The following TMEM42 variants were observed in gnomAD, a reference collection of about 807,000 sequenced individuals.
The protein encoded by TMEM42 is transmembrane protein 42.
A neutral mutation model predicts 14.0 loss-of-function variants in TMEM42; 8 were observed. The observed-to-expected ratio is 0.57, with a 90% CI of 0.34 to 1.03. The LOEUF (loss-of-function observed/expected upper bound fraction) is 1.03. TMEM42 is among the 50% of genes least tolerant of loss of function. TMEM42 has a pLI of 0.03. For synonymous variants in TMEM42, 115 were observed against 94.3 expected (o/e 1.22, Z -1.27); for missense variants, 211 against 219.8 (o/e 0.96, Z 0.25).
In TMEM42 at chr3:44,865,324, C is replaced by G. The variant is rs150551721; in HGVS notation, c.*144C>G. 180 of 1,084,090 alleles carry G rather than the reference C, an allele frequency of 1.7e-4. No homozygotes were observed. In the African/African-American group the frequency reaches 2.4e-3, roughly 15 times the overall value. 67.2% of individuals were successfully genotyped at this position (1,084,090 alleles called of 1,614,324 possible). A position where few individuals can be genotyped will look rare whatever the true frequency, so the allele number is the denominator to read the frequency against. On this transcript the variant is annotated 3_prime_UTR_variant, in exon 3 of 3. Transcript: ENST00000302392. ...GGAAGCAGGCCTCTGATGGAGCAGG[C>G]TCTGGCTCTGTAAGGAGAGGTGCAG...
At chr3:44,864,012 ATGGGTCTGC>A (rs1171713178) in intron 1 of TMEM42, 176 bp from the exon 2 acceptor site, 1 of 595,018 alleles carries the variant, frequency 1.7e-6, no homozygotes, top group Non-Finnish European at 2.9e-6. Context: ...TATTTGTAAG[ATGGGTCTGC>A]TGCCCACTGA....
rs1239029935 is a variant in TMEM42 at position 44,865,195 on chromosome 3, A to G, written c.*15A>G. ...AGCAGCAGTAGCACCACTTGGCTAGACGGACCAGCTGGAAAGATCATGATG... is the reference window on the plus strand; with the variant it reads ...AGCAGCAGTAGCACCACTTGGCTAGGCGGACCAGCTGGAAAGATCATGATG... On this transcript the variant is annotated 3_prime_UTR_variant, in exon 3 of 3. Transcript: ENST00000302392. 2 of 1,614,118 alleles carry G rather than the reference A, an allele frequency of 1.2e-6. No homozygotes were observed. The highest frequency in any genetic ancestry group is 1.3e-5 in the African/African-American group (1 of 75,028).
In TMEM42 at chr3:44,864,317, G is replaced by C; in HGVS notation, c.313G>C (p.Val105Leu). The C allele has an allele frequency of 6.2e-7, 1 of 1,614,212 alleles. No homozygotes were observed. Among genetic ancestry groups the C allele is most frequent in the Admixed American group, 1.7e-5 (1 of 60,024 alleles). Residue 105 changes from valine to leucine, a missense_variant, in exon 2 of 3, where the codon GTG becomes CTG. Val to Leu is a conservative substitution (Grantham distance 32). Transcript: ENST00000302392. The stretch of plus-strand genomic sequence containing the variant: ...GTCTTCAGCCATTGCATCTGTCACA[G>C]TGACTTTTTCAAATATCCTCAGCTC... ...SMSSAIASVT[V>L]TFSNILSSAF... is the part of the protein sequence containing the mutation.
chr3:44,864,029 T>C (rs1699292814), intron 1 of TMEM42, 168 bp from the exon 2 acceptor site: 4 of 678,648 alleles, frequency 5.9e-6, no homozygotes, highest in Admixed American at 2.8e-5. Context: ...TGCTGCCCAC[T>C]GAGGGTTAAG....
At chr3:44,863,991 T>G in intron 1 of TMEM42, 1 of 569,176 alleles carries the variant, frequency 1.8e-6, no homozygotes, top group Non-Finnish European at 3.1e-6. Flanking sequence ...GTATCTTCTC[T>G]GAATTTGCTT....
Position 44,865,095 on chromosome 3 carries a change from G to A in TMEM42, c.395G>A (p.Gly132Glu), listed in dbSNP as rs1301274738. 1.2e-6 allele frequency: 2 copies of A among 1,614,136 alleles called. No individual in the cohort carries two copies. Among genetic ancestry groups the A allele is most frequent in the Non-Finnish European group, 1.7e-6 (2 of 1,180,002 alleles). The stretch of plus-strand genomic sequence containing the variant: ...TGCCAGGAGGTCTTGTGGTGGGGAG[G>A]AGTGTTCCTTATTCTCTGCGGACTC... ...GECQEVLWWG[G>E]VFLILCGLTL... is the part of the protein sequence containing the mutation. Residue 132 changes from glycine (G) to glutamate (E), a missense_variant, in exon 3 of 3, where the codon GGA becomes GAA. Gly to Glu is a moderately conservative substitution (Grantham distance 98, BLOSUM62 -2). Coordinates refer to ENST00000302392, the MANE Select transcript of TMEM42 (RefSeq NM_144638.3).
At chr3:44,862,154 C>A in intron 1 of TMEM42, 38 bp downstream of exon 1, 2 of 68,020 alleles carry the variant, frequency 2.9e-5, no homozygotes, top group Non-Finnish European at 5.5e-5. Context: ...CTGCTGCGGG[C>A]GGGCGGGCGG....
chr3:44,864,237 C>T lies in TMEM42; in HGVS notation c.233C>T (p.Ala78Val), dbSNP rs767977537. 13 of 1,614,128 alleles carry T rather than the reference C, an allele frequency of 8.1e-6. No homozygotes were observed. The highest frequency in any genetic ancestry group is 4.4e-5 in the South Asian group (4 of 91,076). The change falls in exon 2 of 3, where the codon GCG (alanine) becomes GTG (valine). Residue 78 changes from alanine (A) to valine (V), a missense_variant. Physicochemically the swap from Ala to Val is moderately conservative, Grantham distance 64. Coordinates refer to ENST00000302392, the MANE Select transcript of TMEM42 (RefSeq NM_144638.3). Reference sequence around the variant, plus strand: ...TGCGTCTTAGGCATTATTGTGATGGCGAGCACCAATTCTCTGATGTGGACC... The same window carrying T: ...TGCGTCTTAGGCATTATTGTGATGGTGAGCACCAATTCTCTGATGTGGACC... ...GLCVLGIIVM[A>V]STNSLMWTFF...
In TMEM42 at chr3:44,865,055, G is replaced by A. The variant is rs1386842592; in HGVS notation, c.355G>A (p.Val119Met). 6.2e-7 allele frequency: 1 copy of A among 1,614,170 alleles called. No homozygotes were observed. The highest frequency in any genetic ancestry group is 2.2e-5 in the East Asian group (1 of 44,872). ...TGTCTCGCAGGCCTTCCTGGGCTAT[G>A]TGCTGTATGGAGAGTGCCAGGAGGT... ...NILSSAFLGY[V>M]LYGECQEVLW... The change falls in exon 3 of 3, where the codon GTG (valine) becomes ATG (methionine). Residue 119 changes from valine (V) to methionine (M), a missense_variant. Transcript: ENST00000302392.
At chr3:44,863,507 C>G (rs1467366062) in intron 1 of TMEM42, 1 of 152,166 alleles carries the variant, frequency 6.6e-6, no homozygotes, top group Non-Finnish European at 1.5e-5. Context: ...TTCCCTCAGG[C>G]AAGGCTGTGC....
chr3:44,862,976 A>C (rs1369945530), intron 1 of TMEM42: 1 of 152,000 alleles, frequency 6.6e-6, no homozygotes. Context: ...CAGGAACTAG[A>C]CCTTCATAAC....
At chr3:44,864,605 C>T (rs1259747420) in intron 2 of TMEM42, among the ~76,000 whole-genome samples, 1 of 152,196 alleles carries the variant, frequency 6.6e-6, no homozygotes, top group Non-Finnish European at 1.5e-5. Context: ...AGCCCTCATT[C>T]TGAAGTCACT....
Position 44,862,114 on chromosome 3 carries a change from G to A in TMEM42, c.190G>A (p.Glu64Lys). ...CTCCGCCAAGCTGGCCTTCGGCAGC[G>A]AGGTCGAGCCCGGGGCGCTGTTGGT... ...AASAKLAFGS[E>K]VSMGLCVLGI... The change falls in exon 1 of 3, where the codon GAG becomes AAG. Residue 64 changes from glutamate (E) to lysine (K), a missense_variant and splice_region_variant. Physicochemically the swap from Glu to Lys is moderately conservative, Grantham distance 56. Transcript: ENST00000302392. 1 of 1,254,586 alleles carries A rather than the reference G, an allele frequency of 8.0e-7. No individual in the cohort carries two copies. Among genetic ancestry groups the A allele is most frequent in the Non-Finnish European group, 1.0e-6 (1 of 997,464 alleles). 77.7% of individuals were successfully genotyped at this position (1,254,586 alleles called of 1,614,324 possible).
chr3:44,862,138 GTGC>G (rs771557887), intron 1 of TMEM42, 22 bp downstream of exon 1: 18 of 1,196,738 alleles, frequency 1.5e-5, no homozygotes, highest in Non-Finnish European at 1.8e-5. Flanking sequence ...GGCGCTGTTG[GTGC>G]TGCTGCTGCG....
chr3:44,862,005 C>A lies in TMEM42; in HGVS notation c.81C>A (p.His27Gln). The A allele has an allele frequency of 7.2e-7, 1 of 1,380,910 alleles. No homozygotes were observed. The highest frequency in any genetic ancestry group is 9.4e-7 in the Non-Finnish European group (1 of 1,065,692). 85.5% of individuals were successfully genotyped at this position (1,380,910 alleles called of 1,614,324 possible). ...ACACCCCCGCGGAATTCCCTCCGCA[C>A]CTCCAGGCGGGTGCGATGCGGCGCC... ...YPDTPAEFPP[H>Q]LQAGAMRRRF... is the part of the protein sequence containing the mutation. Residue 27 changes from histidine (H) to glutamine (Q), a missense_variant, in exon 1 of 3, where the codon CAC (histidine) becomes CAA (glutamine). Transcript: ENST00000302392.
rs896126076 is a variant in TMEM42, at chr3:44,863,962, C to T, written c.193-235C>T. On this transcript the variant is annotated intron_variant, in intron 1 of 2. Transcript: ENST00000302392. ...TTGCTTCTTCCCAAGATCATATGGCCAGCAAGGTGGCCAAATGAGTATCTT... is the reference window on the plus strand; with the variant it reads ...TTGCTTCTTCCCAAGATCATATGGCTAGCAAGGTGGCCAAATGAGTATCTT... 2.4e-4 allele frequency: 128 copies of T among 535,170 alleles called. No individual in the cohort carries two copies. The Middle Eastern group carries it at 2.9e-3, about 12-fold the overall frequency. 33.2% of individuals were successfully genotyped at this position (535,170 alleles called of 1,614,324 possible). A position where few individuals can be genotyped will look rare whatever the true frequency, so the allele number is the denominator to read the frequency against.
At chr3:44,863,302 C>CT (rs71696108) in intron 1 of TMEM42, 2 of 89,206 alleles carry the variant, frequency 2.2e-5, no homozygotes, top group African/African-American at 3.7e-5. Flanking sequence ...GATTCCGCAC[C>CT]CCCCCCCCCC....
intron 2 of TMEM42, among the ~76,000 whole-genome samples, 171 bp downstream of exon 2, chr3:44,864,514 A>C (rs908842160): frequency 6.6e-6 from 1 of 152,146 alleles, no homozygotes; most frequent in Non-Finnish European, 1.5e-5. Flanking sequence ...ATGTAATTCT[A>C]ATCATGGAAG....
At chr3:44,863,752 A>C (rs1486108800) in intron 1 of TMEM42, 1 of 172,734 alleles carries the variant, frequency 5.8e-6, no homozygotes, top group Non-Finnish European at 1.3e-5. Context: ...TGGGGGTGGG[A>C]ATACAGAGCA....
Sources: gnomAD v4.1 joint callset for allele counts (sites outside exome capture counted in the v4.1 genomes callset) on GRCh38, gnomAD v4.1.1 for gene constraint, MANE v1.5 for transcripts, NCBI Gene and HGNC (gene_info 2026-07-23, HGNC 2026-07-21) for gene names.